The following SPATA7 variants were observed in gnomAD, a reference collection of about 807,000 sequenced individuals.
The protein encoded by SPATA7 is spermatogenesis-associated protein 7.
A neutral mutation model predicts 51.8 loss-of-function variants in SPATA7; 43 were observed. The ratio of observed to expected loss-of-function variants is 0.83; its 90% CI spans 0.65 to 1.07. The LOEUF (loss-of-function observed/expected upper bound fraction) is 1.07. SPATA7 is among the 50% of genes least tolerant of loss of function. The pLI is 0.00. For missense variants in SPATA7, 683 were observed against 701.3 expected, an observed-to-expected ratio of 0.97 and a Z score of 0.30; for synonymous variants, 230 against 252.8, an observed-to-expected ratio of 0.91 and a Z score of 0.86.
chr14:88,417,977 AT>A (rs1335824929), intron 5 of SPATA7, among the ~76,000 whole-genome samples: 2 of 152,180 alleles, frequency 1.3e-5, no homozygotes. Context: ...TACTGATTCA[AT>A]TTTTTAAGTC....
intron 3 of SPATA7, among the ~76,000 whole-genome samples, chr14:88,450,780 A>G (rs925660886): frequency 3.3e-5 from 5 of 152,190 alleles, no homozygotes; most frequent in African/African-American, 4.8e-5. Flanking sequence ...TGCCTAGGCA[A>G]TGATCTTTTT....
At chr14:88,415,029 G>A (rs2076438396) in intron 4 of SPATA7, among the ~76,000 whole-genome samples, 1 of 152,168 alleles carries the variant, frequency 6.6e-6, no homozygotes, top group Non-Finnish European at 1.5e-5. Context: ...TGTTTATTCT[G>A]TGGTTGTTGG....
intron 5 of SPATA7, 111 bp from the exon 6 acceptor site, chr14:88,426,121 A>G: frequency 1.3e-6 from 1 of 756,214 alleles, no homozygotes; most frequent in Non-Finnish European, 2.3e-6. Context: ...GGAACATATC[A>G]GTTAATTTTG....
At chr14:88,404,501 G>C (rs2076152507) in intron 4 of SPATA7, among the ~76,000 whole-genome samples, 1 of 152,158 alleles carries the variant, frequency 6.6e-6, no homozygotes, top group Non-Finnish European at 1.5e-5. Flanking sequence ...AGGATCACTT[G>C]AGGTCATGAG....
chr14:88,461,731 GA>G (rs1331293698), intron 4 of SPATA7, among the ~76,000 whole-genome samples: 1 of 150,992 alleles, frequency 6.6e-6, no homozygotes, highest in Non-Finnish European at 1.5e-5. Context: ...CCCACTGTCC[GA>G]CAAGCCCCGT....
At chr14:88,409,530 C>CA (rs201080812) in intron 4 of SPATA7, among the ~76,000 whole-genome samples, 2 of 151,246 alleles carry the variant, frequency 1.3e-5, no homozygotes. Flanking sequence ...TTCATCTTTT[C>CA]AAAAAAACAG....
chr14:88,415,230 G>A lies in SPATA7; in HGVS notation c.239-1481G>A, dbSNP rs116832812. 4.2e-3 allele frequency: 1,499 copies of A among 354,656 alleles called. 9 individuals are homozygous for A. The highest frequency in any genetic ancestry group is 0.03 in the African/African-American group (1,407 of 47,440). 22.0% of individuals were successfully genotyped at this position (354,656 alleles called of 1,614,324 possible). A position where few individuals can be genotyped will look rare whatever the true frequency, so the allele number is the denominator to read the frequency against. On this transcript the variant is annotated intron_variant, in intron 4 of 11. Coordinates refer to ENST00000393545, the MANE Select transcript of SPATA7 (RefSeq NM_018418.5). ...GTCTAGAAGTACTTGTATGAATCTG[G>A]GTGCTCCAGTGTTGGGTGCAAATAT...
downstream of SPATA7, among the ~76,000 whole-genome samples, chr14:88,443,004 C>T (rs754880290): frequency 6.8e-6 from 1 of 146,624 alleles, no homozygotes; most frequent in Non-Finnish European, 1.5e-5. Context: ...TGCAGTGGTG[C>T]GATCTCAGCT....
At chr14:88,415,607 A>G (rs1458682913) in intron 4 of SPATA7, among the ~76,000 whole-genome samples, 1 of 151,896 alleles carries the variant, frequency 6.6e-6, no homozygotes, top group African/African-American at 2.4e-5. Flanking sequence ...TTCAAGGTTA[A>G]TATTGATATG....
chr14:88,466,023 G>A (rs531673679), intron 4 of SPATA7: 30 of 150,864 alleles, frequency 2.0e-4, no homozygotes, highest in African/African-American at 7.1e-4. Flanking sequence ...ATGTCAAACT[G>A]TTTGTTTAAA....
intron 3 of SPATA7, among the ~76,000 whole-genome samples, chr14:88,449,502 G>A (rs1180062584): frequency 6.6e-6 from 1 of 152,046 alleles, no homozygotes; most frequent in Non-Finnish European, 1.5e-5. Context: ...ATCATATATG[G>A]TCTATCTTGG....
chr14:88,394,823 G>A (rs1042336794), intron 3 of SPATA7, among the ~76,000 whole-genome samples: 2 of 151,968 alleles, frequency 1.3e-5, no homozygotes, highest in African/African-American at 4.8e-5. Flanking sequence ...AACCATTCTA[G>A]TGAATATGAA....
chr14:88,437,618 T>G (rs1566789932), intron 11 of SPATA7, 21 bp downstream of exon 11: 1 of 1,565,046 alleles, frequency 6.4e-7, no homozygotes, highest in African/African-American at 1.4e-5. Context: ...CCTTATAACT[T>G]CATTAGAAAA....
intron 7 of SPATA7, 72 bp downstream of exon 7, chr14:88,427,768 C>T (rs1007914238): frequency 7.4e-6 from 8 of 1,081,252 alleles, no homozygotes; most frequent in Non-Finnish European, 1.1e-5. Context: ...AGAATATGTA[C>T]AGCTATTTAG....
At chr14:88,468,853 T>C (rs2077406778) in intron 4 of SPATA7, 3 of 1,602,278 alleles carry the variant, frequency 1.9e-6, no homozygotes, top group South Asian at 1.1e-5. Context: ...TAAGTCACTA[T>C]GTCCCTCTCT....
At chr14:88,413,400 G>A (rs73321892) in intron 4 of SPATA7, among the ~76,000 whole-genome samples, 5,365 of 152,114 alleles carry the variant, frequency 0.035, 312 homozygotes, top group African/African-American at 0.12. Flanking sequence ...TTGATTTTGT[G>A]TCCTAAAACT....
intron 4 of SPATA7, among the ~76,000 whole-genome samples, chr14:88,413,480 A>G (rs551814679): frequency 3.0e-4 from 46 of 152,332 alleles, no homozygotes; most frequent in African/African-American, 1.1e-3. Context: ...TTATAGAATC[A>G]TATCATCAGG....
intron 5 of SPATA7, among the ~76,000 whole-genome samples, chr14:88,421,864 G>A (rs1032180197): frequency 9.2e-5 from 14 of 151,528 alleles, no homozygotes; most frequent in Admixed American, 5.9e-4. Context: ...CAGAAGAATC[G>A]CTTGAGTCCA....
At chr14:88,455,387 T>A (rs2077277783), downstream of SPATA7, 1 of 190,980 alleles carries the variant, frequency 5.2e-6, no homozygotes, top group Non-Finnish European at 1.1e-5. Context: ...GAAATAGGAC[T>A]AATTTAATTA....
Sources: gnomAD v4.1 joint callset for allele counts (sites outside exome capture counted in the v4.1 genomes callset) on GRCh38, gnomAD v4.1.1 for gene constraint, MANE v1.5 for transcripts, NCBI Gene and HGNC (gene_info 2026-07-23, HGNC 2026-07-21) for gene names.